EXO1: variants seen among roughly 807,000 people sequenced by gnomAD.
EXO1 encodes the protein exonuclease 1.
EXO1 carries 69 observed loss-of-function variants against 84.5 expected under a neutral mutation model. The ratio of observed to expected loss-of-function variants is 0.82; its 90% CI spans 0.67 to 1.00. The LOEUF (loss-of-function observed/expected upper bound fraction) is 1.00, where lower values mean the gene tolerates loss of function less well. Among genes scored for constraint, EXO1 ranks in the 50% least tolerant of loss-of-function variants. The pLI is 0.00. For missense variants in EXO1, 1,045 were observed against 1,000.7 expected (o/e 1.04, Z -0.60); for synonymous variants, 373 against 366.1 (o/e 1.02, Z -0.21).
chr1:241,857,537 CAAG>C (rs1030545485), intron 7 of EXO1, 55 bp downstream of exon 7: 2 of 1,264,420 alleles, frequency 1.6e-6, no homozygotes, highest in African/African-American at 3.0e-5. Flanking sequence ...TAGTGTAAAT[CAAG>C]GAGCTGAAAT....
At chr1:241,859,823 T>C (rs997065469) in intron 8 of EXO1, among the ~76,000 whole-genome samples, 32 of 152,198 alleles carry the variant, frequency 2.1e-4, no homozygotes, top group Admixed American at 7.9e-4. Flanking sequence ...AAGCTCATTT[T>C]CCCCCTTGGA....
intron 13 of EXO1, among the ~76,000 whole-genome samples, chr1:241,880,412 G>A (rs1012783895): frequency 2.0e-5 from 3 of 152,112 alleles, no homozygotes; most frequent in African/African-American, 7.2e-5. Flanking sequence ...CTTTGGAAGC[G>A]TTTAGCCATG....
At chr1:241,863,873 A>G (rs994025507) in intron 10 of EXO1, among the ~76,000 whole-genome samples, 2 of 152,244 alleles carry the variant, frequency 1.3e-5, no homozygotes, top group African/African-American at 4.8e-5. Flanking sequence ...AACATAGTGG[A>G]CAGCACAGAG....
intron 12 of EXO1, among the ~76,000 whole-genome samples, chr1:241,877,925 A>G (rs1662491753): frequency 6.6e-6 from 1 of 152,192 alleles, no homozygotes; most frequent in Non-Finnish European, 1.5e-5. Context: ...AAGGGTAAAT[A>G]GCTAATTTCT....
At chr1:241,853,297 TAC>T (rs1315886739) in intron 5 of EXO1, 59 bp from the exon 6 acceptor site, 4 of 1,575,880 alleles carry the variant, frequency 2.5e-6, no homozygotes, top group Non-Finnish European at 3.5e-6. Flanking sequence ...ACAGTTCTGT[TAC>T]AGTTTCTTGA....
chr1:241,860,694 T>C lies in EXO1; in HGVS notation c.934T>C (p.Tyr312His), dbSNP rs1438885571. 37 of 1,612,706 alleles carry C rather than the reference T, an allele frequency of 2.3e-5. No homozygotes were observed. In the Admixed American group the frequency reaches 6.2e-4, roughly 27 times the overall value. The change falls in exon 9 of 16, where the codon TAC (tyrosine) becomes CAC (histidine). Residue 312 changes from tyrosine (Y) to histidine (H), a missense_variant. Physicochemically the swap from Tyr to His is moderately conservative, Grantham distance 83. Transcript: ENST00000366548. The part of the protein sequence containing the change: ...EDDVDPETLS[Y>H]AGQYVDDSIA... ...TGATGTTGATCCTGAAACACTAAGC[T>C]ACGCTGGGCAGTATCCTTTCTGAAA...
Position 241,858,690 on chromosome 1 carries a change from G to A in EXO1, c.728G>A (p.Arg243Lys). ...TTAGCAAAGGCATGCAAAGTCCTAAGACTAGCCAATAATCCAGATATAGTA... is the reference window on the plus strand; with the variant it reads ...TTAGCAAAGGCATGCAAAGTCCTAAAACTAGCCAATAATCCAGATATAGTA... ...IGLAKACKVL[R>K]LANNPDIVKV... The change falls in exon 8 of 16, where the codon AGA becomes AAA. Residue 243 changes from arginine to lysine, a missense_variant. Physicochemically the swap from Arg to Lys is conservative, Grantham distance 26. Coordinates refer to ENST00000366548, the MANE Select transcript of EXO1 (RefSeq NM_130398.4). 6.2e-7 allele frequency: 1 copy of A among 1,613,468 alleles called. No individual in the cohort carries two copies. The highest frequency in any genetic ancestry group is 8.5e-7 in the Non-Finnish European group (1 of 1,179,426).
At chr1:241,853,265 T>C in intron 5 of EXO1, 93 bp from the exon 6 acceptor site, 8 of 1,445,782 alleles carry the variant, frequency 5.5e-6, no homozygotes, top group Non-Finnish European at 7.7e-6. Flanking sequence ...CTTTTTTCAG[T>C]TCTAGGAAAG....
At chr1:241,888,238 T>C (rs962985320) in intron 15 of EXO1, among the ~76,000 whole-genome samples, 2 of 152,006 alleles carry the variant, frequency 1.3e-5, no homozygotes, top group Non-Finnish European at 2.9e-5. Flanking sequence ...CGAGACCTTG[T>C]CTCAAAAAAA....
chr1:241,871,350 C>T (rs1210066534), intron 11 of EXO1, among the ~76,000 whole-genome samples: 1 of 152,200 alleles, frequency 6.6e-6, no homozygotes, highest in Non-Finnish European at 1.5e-5. Flanking sequence ...ACTTACACCT[C>T]TGTGGAGAAG....
intron 12 of EXO1, among the ~76,000 whole-genome samples, chr1:241,874,043 C>T (rs973158001): frequency 1.3e-5 from 2 of 152,130 alleles, no homozygotes; most frequent in African/African-American, 4.8e-5. Flanking sequence ...AGGCAGGAGA[C>T]CATTCACTGA....
At chr1:241,857,543 G>A in intron 7 of EXO1, 61 bp downstream of exon 7, 3 of 1,195,958 alleles carry the variant, frequency 2.5e-6, no homozygotes, top group Admixed American at 4.4e-5. Flanking sequence ...AAATCAAGGA[G>A]CTGAAATTTT....
chr1:241,882,366 G>C (rs142194289), intron 14 of EXO1, among the ~76,000 whole-genome samples: 1 of 152,186 alleles, frequency 6.6e-6, no homozygotes, highest in East Asian at 1.9e-4. Context: ...ATAAATATTT[G>C]AGGACATGTT....
At chr1:241,879,386 A>AG (rs1488711280) in intron 13 of EXO1, 43 bp downstream of exon 13, 4 of 1,241,454 alleles carry the variant, frequency 3.2e-6, no homozygotes, top group Non-Finnish European at 4.7e-6. Flanking sequence ...TTTATATGTA[A>AG]GAAAAAATAG....
chr1:241,860,278 A>G (rs1163854785), intron 8 of EXO1, among the ~76,000 whole-genome samples: 2 of 110,758 alleles, frequency 1.8e-5, no homozygotes, highest in African/African-American at 4.2e-5. Flanking sequence ...TTGATGTACT[A>G]TATAACTGTA....
At chr1:241,855,619 C>G (rs555346156) in intron 6 of EXO1, among the ~76,000 whole-genome samples, 1 of 152,148 alleles carries the variant, frequency 6.6e-6, no homozygotes, top group Non-Finnish European at 1.5e-5. Context: ...GACTGGGCGC[C>G]GTGGAGCAGG....
chr1:241,866,170 C>T (rs1051315667), intron 10 of EXO1, among the ~76,000 whole-genome samples: 6 of 152,126 alleles, frequency 3.9e-5, no homozygotes, highest in South Asian at 2.1e-4. Flanking sequence ...GTTTTTGAGA[C>T]GGAGTCTCCC....
intron 12 of EXO1, among the ~76,000 whole-genome samples, chr1:241,875,681 A>G (rs1176892291): frequency 5.3e-5 from 8 of 152,150 alleles, no homozygotes; most frequent in Admixed American, 2.6e-4. Flanking sequence ...GATCGAGACC[A>G]TCCTGGCTAA....
chr1:241,848,931 T>A lies in EXO1; in HGVS notation c.-219T>A, dbSNP rs755055883. ...AAGAAGAAATAATTATTCGAGGATA[T>A]TTGCCTGGCCCAGAAGAAACTTATG... On this transcript the variant is annotated 5_prime_UTR_variant, in exon 2 of 16. An upstream open reading frame in the 5' UTR gains an earlier in-frame stop. Coordinates refer to ENST00000366548, the MANE Select transcript of EXO1 (RefSeq NM_130398.4). The surrounding 1 kb of genome is among the most constrained non-coding windows in gnomAD (Gnocchi z 4.2). 1 of 152,234 alleles carries A rather than the reference T, an allele frequency of 6.6e-6. No individual in the cohort carries two copies. Among genetic ancestry groups the A allele is most frequent in the Non-Finnish European group, 1.5e-5 (1 of 68,036 alleles). 9.4% of individuals were successfully genotyped at this position (152,234 alleles called of 1,614,324 possible).
Sources: gnomAD v4.1 joint callset for allele counts (sites outside exome capture counted in the v4.1 genomes callset) on GRCh38, gnomAD v4.1.1 for gene constraint, Gnocchi (gnomAD v3.1) non-coding constraint, MANE v1.5 for transcripts, NCBI Gene and HGNC (gene_info 2026-07-23, HGNC 2026-07-21) for gene names.